The following SLC38A7 variants were observed in gnomAD, a reference collection of about 807,000 sequenced individuals.
The protein encoded by SLC38A7 is sodium-coupled neutral amino acid transporter 7.
Under a neutral mutation model 50.1 loss-of-function variants are expected in SLC38A7, and 29 were observed. The ratio of observed to expected loss-of-function variants is 0.58; its 90% confidence interval spans 0.43 to 0.79. SLC38A7 has a LOEUF of 0.79. SLC38A7 is among the 30% of genes least tolerant of loss of function. The probability of loss-of-function intolerance (pLI) is 0.00; values close to 1 mark genes in which losing one functional copy is unlikely to be tolerated. For synonymous variants in SLC38A7, 244 were observed against 245.9 expected (o/e 0.99, Z 0.07); for missense variants, 483 against 610.6 (o/e 0.79, Z 2.20).
chr16:58,670,049 C>T, intron 11 of SLC38A7, 64 bp downstream of exon 11: 3 of 1,486,878 alleles, frequency 2.0e-6, no homozygotes, highest in Non-Finnish European at 1.9e-6. Flanking sequence ...TTTTAAGGCC[C>T]CCACAAAGCC....
chr16:58,680,331 G>C lies in SLC38A7; in HGVS notation c.-115-90C>G, dbSNP rs1252185537. The C allele has an allele frequency of 9.7e-6, 5 of 517,304 alleles. No individual in the cohort carries two copies. In the Admixed American group the frequency reaches 1.2e-4, roughly 12 times the overall value. 32.0% of individuals were successfully genotyped at this position (517,304 alleles called of 1,614,324 possible). Reference sequence around the variant, plus strand: ...GTAATAACTTTCCCAAGATCACATGGGTAGGGTCCAAACCCAGGTATGCCT... The same window carrying C: ...GTAATAACTTTCCCAAGATCACATGCGTAGGGTCCAAACCCAGGTATGCCT... On this transcript the variant is annotated intron_variant, in intron 2 of 11. Transcript: ENST00000219320.
chr16:58,671,974 G>A (rs1597666420), intron 9 of SLC38A7, 122 bp downstream of exon 9: 7 of 1,232,204 alleles, frequency 5.7e-6, no homozygotes, highest in East Asian at 2.6e-5. Context: ...CCTAGGCACC[G>A]ACTCTTTTCT....
intron 3 of SLC38A7, 147 bp downstream of exon 3, chr16:58,679,710 T>A: frequency 1.9e-6 from 2 of 1,059,462 alleles, no homozygotes; most frequent in Non-Finnish European, 2.7e-6. Context: ...GAAAGAATAC[T>A]AGAATAGATT....
intron 8 of SLC38A7, chr16:58,675,388 G>A (rs939225380): frequency 1.2e-5 from 5 of 412,056 alleles, no homozygotes; most frequent in African/African-American, 1.1e-4. Context: ...AATGGCACAT[G>A]GCTGTAGTCC....
At position 58,670,138 on chromosome 16, in the gene SLC38A7, CAG is replaced by C; in HGVS notation, c.1259_1260del (p.Ser420Ter). The C allele has an allele frequency of 2.5e-6, 4 of 1,614,184 alleles. No individual in the cohort carries two copies. The highest frequency in any genetic ancestry group is 1.1e-5 in the South Asian group (1 of 91,076). ...PGLCLIQAKL[S>X]EMEEVKPASW... ...CTGGCTGGTTTGACCTCTTCCATCTCAGAGAGTTTGGCTTGAATGAGGCACAG... is the reference window on the plus strand; with the variant it reads ...CTGGCTGGTTTGACCTCTTCCATCTCAGAGTTTGGCTTGAATGAGGCACAG... On this transcript the variant is annotated frameshift_variant, in exon 11 of 12. Transcript: ENST00000219320. LOFTEE classifies it high-confidence loss of function.
rs373423998 is a variant in SLC38A7 at position 58,671,015 on chromosome 16, G to A, written c.1231+30C>T. On this transcript the variant is annotated intron_variant, in intron 10 of 11. Transcript: ENST00000219320. ...AGGCCCTGGGAGTCTGTGCTGTGGG[G>A]CTGTGAGATGGGGCGCCAGGGGTCC... 116 of 1,559,256 alleles carry A rather than the reference G, an allele frequency of 7.4e-5. No homozygotes were observed. The African/African-American group carries it at 1.2e-3, about 17-fold the overall frequency.
rs564726309 is a variant in SLC38A7, at chr16:58,677,687, C to T, written c.612-263G>A. 81 of 469,946 alleles carry T rather than the reference C, an allele frequency of 1.7e-4. No individual in the cohort carries two copies. In the East Asian group the frequency reaches 2.4e-3, roughly 14 times the overall value. The allele number at this position is 469,946 out of a possible 1,614,324, so 29.1% of individuals were successfully genotyped here. ...CTGGTTCAGCTCCATGGCTCAGAGA[C>T]GATGCAGAGAGCAGAGCTCCAAAGC... On this transcript the variant is annotated intron_variant, in intron 5 of 11. Coordinates refer to ENST00000219320, the MANE Select transcript of SLC38A7 (RefSeq NM_018231.3).
chr16:58,668,932 G>C (rs1468028741), intron 11 of SLC38A7, among the ~76,000 whole-genome samples: 1 of 149,836 alleles, frequency 6.7e-6, no homozygotes, highest in African/African-American at 2.4e-5. Context: ...ACCACAACCA[G>C]GTAATTTTTG....
Position 58,678,950 on chromosome 16 carries a change from C to A in SLC38A7, c.271-56G>T, listed in dbSNP as rs1016734524. ...GCAAAGGCCTGGCAGCAGAGGGCAC[C>A]CTGGGCTCGCCTAGCATTTACTGGG... On this transcript the variant is annotated intron_variant, in intron 3 of 11. Transcript: ENST00000219320. This position sits in a 1 kb window ranked among gnomAD's most constrained non-coding sequence, Gnocchi z 4.0. 4.5e-6 allele frequency: 7 copies of A among 1,558,132 alleles called. No homozygotes were observed. The Admixed American group carries it at 1.0e-4, about 23-fold the overall frequency.
rs1266133893 is a variant in SLC38A7, at chr16:58,666,039, A to T, written c.*1346T>A. 3.3e-5 allele frequency: 5 copies of T among 152,632 alleles called. No homozygotes were observed. Among genetic ancestry groups the T allele is most frequent in the African/African-American group, 9.6e-5 (4 of 41,464 alleles). 9.5% of individuals were successfully genotyped at this position (152,632 alleles called of 1,614,324 possible). A position where few individuals can be genotyped will look rare whatever the true frequency, so the allele number is the denominator to read the frequency against. On this transcript the variant is annotated 3_prime_UTR_variant, in exon 12 of 12. Coordinates refer to ENST00000219320, the MANE Select transcript of SLC38A7 (RefSeq NM_018231.3). ...AGTGTGGCAGGCTCAAATGCTGCCC[A>T]TCAGTGACAACCCAGCTGCCTTTTT...
At position 58,682,520 on chromosome 16, in the gene SLC38A7, C is replaced by T. The variant is rs9934310; in HGVS notation, c.-116+1435G>A. Among the ~76,000 whole-genome samples the T allele has an allele frequency of 3.6e-3, 549 of 152,218 alleles. 4 individuals carry two copies. Among genetic ancestry groups the T allele is most frequent in the African/African-American group, 0.013 (527 of 41,516 alleles). ...TGTTGCCCAGGCTGGAGTGCAGTGG[C>T]GCAATCAGAGCTCACTGCAGCCTCA... On this transcript the variant is annotated intron_variant, in intron 2 of 11. Transcript: ENST00000219320.
chr16:58,665,880 C>G lies in SLC38A7; in HGVS notation c.*1505G>C, dbSNP rs2044027182. 6.6e-6 allele frequency: 1 copy of G among 152,346 alleles called. No homozygotes were observed. Among genetic ancestry groups the G allele is most frequent in the African/African-American group, 2.4e-5 (1 of 41,404 alleles). 9.4% of individuals were successfully genotyped at this position (152,346 alleles called of 1,614,324 possible). ...TTGCTGAGGAGGCTGGTAAGAGAGC[C>G]CCCACTGTCCCCAATTATGTGCGTG... On this transcript the variant is annotated 3_prime_UTR_variant, in exon 12 of 12. Transcript: ENST00000219320.
rs1229916918 is a variant in SLC38A7, at chr16:58,676,296, C to A, written c.761G>T (p.Gly254Val). 1.9e-6 allele frequency: 3 copies of A among 1,614,194 alleles called. No individual in the cohort carries two copies. The highest frequency in any genetic ancestry group is 1.7e-5 in the Admixed American group (1 of 60,022). Reference protein sequence around the residue: ...VFNAMPTICFGFQCHVSSVPV... With the variant: ...VFNAMPTICFVFQCHVSSVPV... ...TGCAACTGGCACTGGCACCTGAAAT[C>A]CGAAGCAGATGGTGGGCATGGCATT... The change falls in exon 7 of 12, where the codon GGA becomes GTA. Residue 254 changes from glycine to valine, a missense_variant. Physicochemically the swap from Gly to Val is moderately radical, Grantham distance 109. Coordinates refer to ENST00000219320, the MANE Select transcript of SLC38A7 (RefSeq NM_018231.3).
chr16:58,677,053 C>A, intron 6 of SLC38A7, among the ~76,000 whole-genome samples: 1 of 152,178 alleles, frequency 6.6e-6, no homozygotes, highest in East Asian at 1.9e-4. Context: ...GGGATTCCAC[C>A]CTCAGGTTCC....
At chr16:58,669,103 C>CTTTTTTTTT (rs71155293) in intron 11 of SLC38A7, among the ~76,000 whole-genome samples, 1 of 54,594 alleles carries the variant, frequency 1.8e-5, no homozygotes, top group Admixed American at 2.7e-4. Context: ...GTTTGTATGG[C>CTTTTTTTTT]TTTTTTTTTT....
chr16:58,667,616 A>G, intron 11 of SLC38A7, 129 bp from the exon 12 acceptor site: 4 of 669,652 alleles, frequency 6.0e-6, no homozygotes, highest in Non-Finnish European at 9.4e-6. Flanking sequence ...CCTACTTCCC[A>G]AAGACTTCAA....
chr16:58,673,212 C>T (rs2044191925), intron 8 of SLC38A7, among the ~76,000 whole-genome samples: 1 of 142,698 alleles, frequency 7.0e-6, no homozygotes, highest in Admixed American at 7.3e-5. Context: ...GCTGGGATTA[C>T]AGTCACCTGC....
Position 58,667,135 on chromosome 16 carries a change from G to GAAGTT in SLC38A7, c.*249_*250insAACTT, listed in dbSNP as rs1424277673. The GAAGTT allele has an allele frequency of 5.7e-5, 29 of 512,620 alleles. No homozygotes were observed. The highest frequency in any genetic ancestry group is 4.1e-4 in the East Asian group (13 of 32,046). 31.8% of individuals were successfully genotyped at this position (512,620 alleles called of 1,614,324 possible). On this transcript the variant is annotated 3_prime_UTR_variant, in exon 12 of 12. Transcript: ENST00000219320. ...GGAGAAGTTGAGAACTGGGAGAGGA[G>GAAGTT]GAGGGGTCCTCTATGATGTGAGACT...
intron 7 of SLC38A7, 21 bp from the exon 8 acceptor site, chr16:58,676,075 G>A (rs758459494): frequency 1.6e-5 from 25 of 1,607,236 alleles, no homozygotes; most frequent in Admixed American, 5.1e-5. Context: ...GAAGGGCACC[G>A]TCATGGTGGG....
Sources: allele counts gnomAD v4.1 joint callset (sites outside exome capture counted in the v4.1 genomes callset), GRCh38; gene constraint gnomAD v4.1.1; non-coding constraint Gnocchi (gnomAD v3.1); transcripts MANE v1.5; gene names NCBI Gene and HGNC (gene_info 2026-07-23, HGNC 2026-07-21).